The following STAU1 variants were observed in gnomAD, a reference collection of about 807,000 sequenced individuals.
STAU1 encodes the protein staufen double-stranded RNA binding protein 1.
STAU1 carries 13 observed loss-of-function variants against 62.9 expected under a neutral mutation model. That is an observed-to-expected ratio of 0.21 (90% CI 0.13 to 0.33). The LOEUF (loss-of-function observed/expected upper bound fraction) is 0.33, where lower values mean the gene tolerates loss of function less well. Ranked by LOEUF, STAU1 falls within the 10% of genes least tolerant of loss-of-function variation. The pLI is 1.00. For missense variants in STAU1, 571 were observed against 712.1 expected, an observed-to-expected ratio of 0.80 and a Z score of 2.25; for synonymous variants, 269 against 265.1, an observed-to-expected ratio of 1.01 and a Z score of -0.14.
In STAU1 at chr20:49,134,992, G is replaced by C. The variant is rs545023936; in HGVS notation, c.609+841C>G. Reference sequence around the variant, plus strand: ...TTGTGAAGAGACAGTTCATGAACAAGAGTCTTTCAGGACCTGGACAGCGAA... The same window carrying C: ...TTGTGAAGAGACAGTTCATGAACAACAGTCTTTCAGGACCTGGACAGCGAA... On this transcript the variant is annotated intron_variant, in intron 6 of 13. Transcript: ENST00000371856. The C allele has an allele frequency of 1.6e-3, 2,487 of 1,602,568 alleles. 12 individuals are homozygous for C. Among genetic ancestry groups the C allele is most frequent in the Middle Eastern group, 0.012 (53 of 4,426 alleles).
intron 5 of STAU1, among the ~76,000 whole-genome samples, chr20:49,143,216 C>T (rs2093048868): frequency 6.6e-6 from 1 of 152,172 alleles, no homozygotes; most frequent in African/African-American, 2.4e-5. Context: ...GTTTAGTGGG[C>T]ACTTAGTCTT....
the STAU1 span, among the ~76,000 whole-genome samples, chr20:49,205,926 G>A: frequency 7.9e-5 from 12 of 151,656 alleles, no homozygotes; most frequent in African/African-American, 2.4e-4. Flanking sequence ...TGCCCAACTC[G>A]GCCTCCCAAA....
the STAU1 span, among the ~76,000 whole-genome samples, chr20:49,211,899 A>T: frequency 6.6e-6 from 1 of 152,148 alleles, no homozygotes; most frequent in African/African-American, 2.4e-5. Flanking sequence ...TTGAAGAACT[A>T]CCAAACTGTT....
upstream of STAU1, among the ~76,000 whole-genome samples, chr20:49,193,354 CCAACA>C (rs2093833563): frequency 2.0e-5 from 3 of 151,806 alleles, no homozygotes; most frequent in South Asian, 6.2e-4. Context: ...TGCAGCCTGG[CCAACA>C]GAGCAAGACT....
chr20:49,191,925 A>G (rs1210096427), upstream of STAU1, among the ~76,000 whole-genome samples: 2 of 151,812 alleles, frequency 1.3e-5, no homozygotes, highest in African/African-American at 2.4e-5. Context: ...GTGGTATGCA[A>G]CTTTAGTCCC....
At chr20:49,187,249 T>C (rs1312257201) in intron 1 of STAU1, among the ~76,000 whole-genome samples, 1 of 152,184 alleles carries the variant, frequency 6.6e-6, no homozygotes, top group Non-Finnish European at 1.5e-5. Flanking sequence ...TTGCTCATCC[T>C]GCGGGAGATG....
chr20:49,128,773 C>CAAAAAAAAAAAAAAAAAAAAAAAAA (rs34891670), intron 6 of STAU1, among the ~76,000 whole-genome samples: 1 of 102,676 alleles, frequency 9.7e-6, no homozygotes, highest in Non-Finnish European at 2.0e-5. Context: ...CATCCAAATC[C>CAAAAAAAAAAAAAAAAAAAAAAAAA]AAAAAAAAAA....
upstream of STAU1, among the ~76,000 whole-genome samples, chr20:49,190,677 C>A (rs978278428): frequency 2.0e-5 from 3 of 152,108 alleles, no homozygotes; most frequent in Non-Finnish European, 4.4e-5. Context: ...CAGTCAAGTT[C>A]TCTTCCAAGG....
At chr20:49,195,535 C>CAAAAAAAAAAAAAAAAAAAAAAAAA in the STAU1 span, among the ~76,000 whole-genome samples, 1 of 38,146 alleles carries the variant, frequency 2.6e-5, no homozygotes, top group Admixed American at 4.6e-4. Context: ...GACTCCGTCT[C>CAAAAAAAAAAAAAAAAAAAAAAAAA]AAAAAAAAAA....
chr20:49,188,636 C>A (rs1327814568), upstream of STAU1, among the ~76,000 whole-genome samples: 1 of 152,208 alleles, frequency 6.6e-6, no homozygotes, highest in East Asian at 1.9e-4. Context: ...TCTGGGAGAA[C>A]CCAGCCTACC....
rs570275990 is a variant in STAU1, at chr20:49,157,637, G to A, written c.206-3566C>T. Reference sequence around the variant, plus strand: ...TGGGACTACAGGCATGCACCACCACGCCCAGCTAATTTTTGAATTTTTAGT... The same window carrying A: ...TGGGACTACAGGCATGCACCACCACACCCAGCTAATTTTTGAATTTTTAGT... On this transcript the variant is annotated intron_variant, in intron 3 of 13. Coordinates refer to ENST00000371856, the MANE Select transcript of STAU1 (RefSeq NM_017453.4). 5.3e-5 allele frequency among the ~76,000 whole-genome samples: 8 copies of A among 152,118 alleles called. No homozygotes were observed. In the South Asian group the frequency reaches 6.2e-4, roughly 12 times the overall value.
intron 1 of STAU1, among the ~76,000 whole-genome samples, chr20:49,186,969 G>A (rs1012856161): frequency 6.6e-6 from 1 of 152,094 alleles, no homozygotes; most frequent in African/African-American, 2.4e-5. Context: ...ACTGCAACAC[G>A]GAGGCGGGGC....
At chr20:49,156,763 G>A (rs1202073756) in intron 3 of STAU1, among the ~76,000 whole-genome samples, 1 of 152,020 alleles carries the variant, frequency 6.6e-6, no homozygotes, top group African/African-American at 2.4e-5. Flanking sequence ...TATGGTCATG[G>A]TTTAAGAGGC....
intron 6 of STAU1, among the ~76,000 whole-genome samples, chr20:49,130,396 T>C (rs893915966): frequency 6.6e-6 from 1 of 152,140 alleles, no homozygotes; most frequent in African/African-American, 2.4e-5. Context: ...CAGAACCATA[T>C]ACACTTATCA....
intron 6 of STAU1, among the ~76,000 whole-genome samples, chr20:49,133,132 T>C (rs970442587): frequency 6.6e-6 from 1 of 152,226 alleles, no homozygotes; most frequent in Non-Finnish European, 1.5e-5. Flanking sequence ...ATGTGACTAC[T>C]GTCAAGATTC....
At chr20:49,163,557 C>A (rs1250371435) in intron 3 of STAU1, among the ~76,000 whole-genome samples, 1 of 150,898 alleles carries the variant, frequency 6.6e-6, no homozygotes, top group Non-Finnish European at 1.5e-5. Context: ...TCCCAAGTAG[C>A]TGGGAATATA....
At chr20:49,157,806 G>A (rs56131635) in intron 3 of STAU1, among the ~76,000 whole-genome samples, 60,019 of 151,582 alleles carry the variant, frequency 0.4, 11,900 homozygotes, top group Middle Eastern at 0.49. Flanking sequence ...TAATTTTTGC[G>A]GAGGCAGGGT....
chr20:49,172,701 CAAT>C (rs1214894279), intron 2 of STAU1, among the ~76,000 whole-genome samples: 1 of 152,160 alleles, frequency 6.6e-6, no homozygotes, highest in Non-Finnish European at 1.5e-5. Context: ...TAGCAACCAA[CAAT>C]GTTAAATCAG....
intron 13 of STAU1, 146 bp from the exon 14 acceptor site, chr20:49,115,039 G>T: frequency 1.3e-6 from 1 of 766,314 alleles, no homozygotes; most frequent in Non-Finnish European, 2.2e-6. Context: ...CCCAGGGTAT[G>T]CCAGTAAGTA....
Sources: allele counts gnomAD v4.1 joint callset (sites outside exome capture counted in the v4.1 genomes callset), GRCh38; gene constraint gnomAD v4.1.1; transcripts MANE v1.5; gene names NCBI Gene and HGNC (gene_info 2026-07-23, HGNC 2026-07-21).